Variants in TMPRSS7 observed in about 807,000 individuals in gnomAD.
The protein encoded by TMPRSS7 is transmembrane protease serine 7.
Under a neutral mutation model 95.6 loss-of-function variants are expected in TMPRSS7, and 81 were observed. The ratio of observed to expected loss-of-function variants is 0.85; its 90% CI spans 0.71 to 1.02. TMPRSS7 has a LOEUF of 1.02. Among genes scored for constraint, TMPRSS7 ranks in the 50% least tolerant of loss-of-function variants. The pLI is 0.00. For synonymous variants in TMPRSS7, 364 were observed against 337.8 expected (o/e 1.08, Z -0.85); for missense variants, 945 against 955.2 (o/e 0.99, Z 0.14).
intron 16 of TMPRSS7, 71 bp downstream of exon 16, chr3:112,077,215 G>C: frequency 1.3e-6 from 2 of 1,533,190 alleles, no homozygotes; most frequent in Non-Finnish European, 1.8e-6. Flanking sequence ...AGTGCTTTAG[G>C]GTTCACAGAG....
intron 1 of TMPRSS7, among the ~76,000 whole-genome samples, chr3:112,036,297 A>T (rs967653107): frequency 6.6e-6 from 1 of 152,192 alleles, no homozygotes; most frequent in Non-Finnish European, 1.5e-5. Flanking sequence ...GGACAGGCAT[A>T]GTGGCTCACA....
intron 13 of TMPRSS7, among the ~76,000 whole-genome samples, chr3:112,068,472 C>G (rs1377152439): frequency 6.6e-6 from 1 of 152,128 alleles, no homozygotes; most frequent in East Asian, 1.9e-4. Flanking sequence ...AATGTTCTTC[C>G]ATTTGTTTGT....
intron 17 of TMPRSS7, 77 bp downstream of exon 17, chr3:112,078,955 TG>T: frequency 6.5e-7 from 1 of 1,529,290 alleles, no homozygotes; most frequent in African/African-American, 1.4e-5. Flanking sequence ...TACATAACAC[TG>T]GGAAATAACC....
At chr3:112,065,395 T>C (rs1020366016) in intron 12 of TMPRSS7, among the ~76,000 whole-genome samples, 1 of 152,232 alleles carries the variant, frequency 6.6e-6, no homozygotes, top group African/African-American at 2.4e-5. Context: ...TCTTAGCTTA[T>C]GGTTCATTGA....
exon 17 of TMPRSS7, chr3:112,078,826 C>A: frequency 6.2e-7 from 1 of 1,614,172 alleles, no homozygotes; most frequent in Non-Finnish European, 8.5e-7. Context: ...GGGATCATCA[C>A]TTCTCGGATG....
At chr3:112,051,559 CTATCT>C (rs1382319587) in intron 9 of TMPRSS7, among the ~76,000 whole-genome samples, 1 of 108,036 alleles carries the variant, frequency 9.3e-6, no homozygotes, top group Non-Finnish European at 2.0e-5. Flanking sequence ...ATCTATCTAT[CTATCT>C]ATGTATCTAT....
intron 13 of TMPRSS7, among the ~76,000 whole-genome samples, chr3:112,067,003 T>C (rs975350780): frequency 6.6e-6 from 1 of 152,102 alleles, no homozygotes; most frequent in Non-Finnish European, 1.5e-5. Flanking sequence ...TGACAGGCCC[T>C]GGTGTGTGAT....
chr3:112,072,726 A>G (rs1411856427), intron 13 of TMPRSS7, among the ~76,000 whole-genome samples: 1 of 152,204 alleles, frequency 6.6e-6, no homozygotes, highest in African/African-American at 2.4e-5. Flanking sequence ...TGGATCTCAG[A>G]CTGCTGCGCT....
At position 112,080,910 on chromosome 3, in the gene TMPRSS7, G is replaced by A. The variant is rs1000646229; in HGVS notation, c.2362-4G>A. 2 of 1,611,276 alleles carry A rather than the reference G, an allele frequency of 1.2e-6. No homozygotes were observed. The highest frequency in any genetic ancestry group is 1.7e-6 in the Non-Finnish European group (2 of 1,178,978). On this transcript the variant is annotated splice_polypyrimidine_tract_variant and splice_region_variant and intron_variant, in intron 17 of 17. Transcript: ENST00000452346. The stretch of plus-strand genomic sequence containing the variant: ...CTTTATACTTACATTTTTTGTGTGT[G>A]TAGGGAGATTCGGGTGGACCTTTAT...
chr3:112,052,168 G>A (rs373950262), intron 9 of TMPRSS7, among the ~76,000 whole-genome samples: 8 of 152,174 alleles, frequency 5.3e-5, no homozygotes, highest in Admixed American at 2.0e-4. Flanking sequence ...GTTGGGGGTG[G>A]GAGGTGTGAA....
In TMPRSS7 at chr3:112,044,338, T is replaced by C; in HGVS notation, c.497+16T>C. On this transcript the variant is annotated intron_variant, in intron 4 of 17. Transcript: ENST00000452346. ...CAGATGTCAGGTAATGCATGTCCCT[T>C]GTTTTGAGATTTCTGTGTTCATTGT... 2 of 1,546,252 alleles carry C rather than the reference T, an allele frequency of 1.3e-6. No individual in the cohort carries two copies. Among genetic ancestry groups the C allele is most frequent in the Middle Eastern group, 3.3e-4 (2 of 5,984 alleles).
exon 16 of TMPRSS7, chr3:112,077,121 G>A: frequency 6.2e-7 from 1 of 1,614,092 alleles, no homozygotes; most frequent in Middle Eastern, 1.6e-4. Flanking sequence ...TGGGTAACTG[G>A]CTGGGGGCGA....
chr3:112,081,012 C>T (rs141178749), exon 18 of TMPRSS7: 1 of 1,613,854 alleles, frequency 6.2e-7, no homozygotes, highest in African/African-American at 1.3e-5. Context: ...GACGACCAAA[C>T]TTTCCTGGTG....
At chr3:112,059,604 G>A (rs978425082) in intron 10 of TMPRSS7, among the ~76,000 whole-genome samples, 4 of 152,150 alleles carry the variant, frequency 2.6e-5, no homozygotes, top group Admixed American at 1.3e-4. Context: ...ATCTCAAGAT[G>A]GCCAACTCTG....
At chr3:112,071,376 A>G (rs2073643852) in intron 13 of TMPRSS7, among the ~76,000 whole-genome samples, 1 of 152,154 alleles carries the variant, frequency 6.6e-6, no homozygotes, top group African/African-American at 2.4e-5. Flanking sequence ...GCTGCCCTTA[A>G]CATTTTTTCC....
At chr3:112,043,189 A>C (rs1348335798) in intron 3 of TMPRSS7, 3 of 441,176 alleles carry the variant, frequency 6.8e-6, no homozygotes, top group Middle Eastern at 3.6e-4. Flanking sequence ...CCTACTACAC[A>C]CCCAGGCTAG....
chr3:112,051,848 G>C (rs186847631), intron 9 of TMPRSS7, among the ~76,000 whole-genome samples: 263 of 152,156 alleles, frequency 1.7e-3, no homozygotes, highest in African/African-American at 6.1e-3. Flanking sequence ...CAGGATATAC[G>C]TATAGACTCA....
chr3:112,061,652 A>G lies in TMPRSS7; in HGVS notation c.1311-135A>G, dbSNP rs1312006083. 3 of 904,404 alleles carry G rather than the reference A, an allele frequency of 3.3e-6. No homozygotes were observed. In the African/African-American group the frequency reaches 5.1e-5, roughly 15 times the overall value. The allele number at this position is 904,404 out of a possible 1,614,324, so 56.0% of individuals were successfully genotyped here. On this transcript the variant is annotated intron_variant, in intron 10 of 17. Transcript: ENST00000452346. ...ACAGTCACATGGCCTAGAATGAATA[A>G]CTACCATTAGCTCTACCATACGCAT... is the stretch of plus-strand genomic sequence containing the variant.
chr3:112,057,158 T>C (rs2073443382), intron 10 of TMPRSS7, 27 bp downstream of exon 10: 1 of 1,510,868 alleles, frequency 6.6e-7, no homozygotes, highest in African/African-American at 1.4e-5. Flanking sequence ...TGTTTTCATA[T>C]GTGAGGCATC....
Sources: gnomAD v4.1 joint callset for allele counts (sites outside exome capture counted in the v4.1 genomes callset) on GRCh38, gnomAD v4.1.1 for gene constraint, MANE v1.5 for transcripts, NCBI Gene and HGNC (gene_info 2026-07-23, HGNC 2026-07-21) for gene names.